The following RPS6KA1 variants were observed in gnomAD, a reference collection of about 807,000 sequenced individuals.
The protein encoded by RPS6KA1 is ribosomal protein S6 kinase A1.
A neutral mutation model predicts 91.3 loss-of-function variants in RPS6KA1; 48 were observed. The ratio of observed to expected loss-of-function variants is 0.53; its 90% CI spans 0.42 to 0.67. RPS6KA1 has a LOEUF of 0.67. Ranked by LOEUF, RPS6KA1 falls within the 30% of genes least tolerant of loss-of-function variation. The pLI, the probability that RPS6KA1 is intolerant of heterozygous loss-of-function variation, is 0.00. For synonymous variants in RPS6KA1, 359 were observed against 384.7 expected (o/e 0.93, Z 0.78); for missense variants, 719 against 960.5 (o/e 0.75, Z 3.32).
At chr1:26,563,609 G>C (rs2076173577) in intron 17 of RPS6KA1, among the ~76,000 whole-genome samples, 1 of 152,148 alleles carries the variant, frequency 6.6e-6, no homozygotes, top group African/African-American at 2.4e-5. Context: ...TGTTAAATGT[G>C]TACACCCATG....
chr1:26,572,196 G>A lies in RPS6KA1; in HGVS notation c.1850G>A (p.Gly617Asp). The A allele has an allele frequency of 6.2e-7, 1 of 1,613,962 alleles. No homozygotes were observed. Among genetic ancestry groups the A allele is most frequent in the East Asian group, 2.2e-5 (1 of 44,860 alleles). ...TGCAGATATACTCCATTTGCCAACG[G>A]TCCCAGTGACACACCAGAGGAAATC... ...MLAGYTPFAN[G>D]PSDTPEEILT... The change falls in exon 20 of 22, where the codon GGT becomes GAT. Residue 617 changes from glycine to aspartate, a missense_variant. Coordinates refer to ENST00000374168, the MANE Select transcript of RPS6KA1 (RefSeq NM_002953.4).
At position 26,555,369 on chromosome 1, in the gene RPS6KA1, C is replaced by T; in HGVS notation, c.827+148C>T. ...GTTAAACATTATACCTTCCAGAGCCCCTCTTTCATCCCTGGGGGCCTGTGG... is the reference window on the plus strand; with the variant it reads ...GTTAAACATTATACCTTCCAGAGCCTCTCTTTCATCCCTGGGGGCCTGTGG... On this transcript the variant is annotated intron_variant, in intron 10 of 21. Coordinates refer to ENST00000374168, the MANE Select transcript of RPS6KA1 (RefSeq NM_002953.4). This position sits in a 1 kb window ranked among gnomAD's most constrained non-coding sequence, Gnocchi z 4.3. 3 of 1,006,122 alleles carry T rather than the reference C, an allele frequency of 3.0e-6. No homozygotes were observed. The South Asian group carries it at 4.6e-5, about 15-fold the overall frequency. The allele number at this position is 1,006,122 out of a possible 1,614,324, so 62.3% of individuals were successfully genotyped here.
Position 26,546,905 on chromosome 1 carries a change from C to G in RPS6KA1, c.147C>G (p.His49Gln). Residue 49 changes from histidine (H) to glutamine (Q), a missense_variant, in exon 3 of 22, where the codon CAC (histidine) becomes CAG (glutamine). His to Gln is a conservative substitution (Grantham distance 24). Transcript: ENST00000374168. ...GVLKEISITHHVKAGSEKADP... is the reference protein window; with the variant it reads ...GVLKEISITHQVKAGSEKADP... ...TCAAGGAGATCTCCATCACGCACCA[C>G]GTCAAGGCTGGCTCTGAGAAGGCTG... The G allele has an allele frequency of 6.2e-7, 1 of 1,614,156 alleles. No individual in the cohort carries two copies. Among genetic ancestry groups the G allele is most frequent in the Non-Finnish European group, 8.5e-7 (1 of 1,180,018 alleles).
In RPS6KA1 at chr1:26,547,134, G is replaced by A; in HGVS notation, c.226-55G>A. On this transcript the variant is annotated intron_variant, in intron 3 of 21. Coordinates refer to ENST00000374168, the MANE Select transcript of RPS6KA1 (RefSeq NM_002953.4). This position sits in a 1 kb window ranked among gnomAD's most constrained non-coding sequence, Gnocchi z 4.1. The stretch of plus-strand genomic sequence containing the variant: ...TGGGGCTCAGAGAAGATAGAGGTCA[G>A]CCTGGACTCAGACCTCTCCCATCTT... 1 of 1,589,618 alleles carries A rather than the reference G, an allele frequency of 6.3e-7. No homozygotes were observed. Among genetic ancestry groups the A allele is most frequent in the Non-Finnish European group, 8.6e-7 (1 of 1,158,324 alleles).
chr1:26,544,991 G>A (rs1038835306), intron 2 of RPS6KA1, among the ~76,000 whole-genome samples: 10 of 151,858 alleles, frequency 6.6e-5, no homozygotes, highest in African/African-American at 2.4e-4. Flanking sequence ...GTCCACCTCT[G>A]TCTGTTAGAT....
intron 2 of RPS6KA1, among the ~76,000 whole-genome samples, chr1:26,546,553 C>T (rs986166536): frequency 1.3e-5 from 2 of 152,194 alleles, no homozygotes; most frequent in Admixed American, 6.5e-5. Flanking sequence ...GCCCCACGGG[C>T]GGACCTGGGG....
At chr1:26,543,951 G>T in intron 2 of RPS6KA1, 1 of 404,976 alleles carries the variant, frequency 2.5e-6, no homozygotes, top group Non-Finnish European at 5.1e-6. Context: ...TCAGGTCTTG[G>T]CATAGGAGGA....
chr1:26,537,019 T>C, intron 2 of RPS6KA1, 50 bp downstream of exon 2: 1 of 1,601,360 alleles, frequency 6.2e-7, no homozygotes, highest in South Asian at 1.1e-5. Context: ...GGGATCCTGT[T>C]TGCATGGCTT....
Position 26,561,405 on chromosome 1 carries a change from C to A in RPS6KA1, c.1432-100C>A. The A allele has an allele frequency of 1.3e-6, 2 of 1,491,452 alleles. No individual in the cohort carries two copies. The highest frequency in any genetic ancestry group is 1.9e-6 in the Non-Finnish European group (2 of 1,078,302). The allele number at this position is 1,491,452 out of a possible 1,614,324, so 92.4% of individuals were successfully genotyped here. A position where few individuals can be genotyped will look rare whatever the true frequency, so the allele number is the denominator to read the frequency against. ...CACTGAAGAGCAAGCAGAACACCTGCCCAAGGCTCATGTCATTCTTCCCTG... is the reference window on the plus strand; with the variant it reads ...CACTGAAGAGCAAGCAGAACACCTGACCAAGGCTCATGTCATTCTTCCCTG... On this transcript the variant is annotated intron_variant, in intron 16 of 21. Transcript: ENST00000374168. This position sits in a 1 kb window ranked among gnomAD's most constrained non-coding sequence, Gnocchi z 5.7.
Position 26,561,580 on chromosome 1 carries a change from C to G in RPS6KA1, c.1507C>G (p.Arg503Gly). Residue 503 changes from arginine to glycine, a missense_variant, in exon 17 of 22, where the codon CGG (arginine) becomes GGG (glycine). Coordinates refer to ENST00000374168, the MANE Select transcript of RPS6KA1 (RefSeq NM_002953.4). The surrounding 1 kb of genome is among the most constrained non-coding windows in gnomAD (Gnocchi z 5.7). ...RGGELLDKIL[R>G]QKFFSEREAS... ...TGGGGAGCTGCTGGACAAGATCCTG[C>G]GGCAGAAGTTCTTCTCAGAGCGGGA... 1 of 1,614,100 alleles carries G rather than the reference C, an allele frequency of 6.2e-7. No individual in the cohort carries two copies. The highest frequency in any genetic ancestry group is 1.1e-5 in the South Asian group (1 of 91,076).
At chr1:26,559,010 G>A in intron 14 of RPS6KA1, 73 bp downstream of exon 14, 1 of 1,547,700 alleles carries the variant, frequency 6.5e-7, no homozygotes, top group Non-Finnish European at 8.8e-7. Flanking sequence ...CTCTGAGTTG[G>A]ACAGAACCAG....
rs752215544 is a variant in RPS6KA1 at position 26,574,105 on chromosome 1, A to G, written c.2112A>G (p.Ala704=). The change falls in exon 22 of 22, where the codon GCA becomes GCG. Residue 704 remains alanine, a synonymous_variant. Transcript: ENST00000374168. This position sits in a 1 kb window ranked among gnomAD's most constrained non-coding sequence, Gnocchi z 4.3. ...VKGAMAATYS[A]LNSSKPTPQL... The stretch of plus-strand genomic sequence containing the variant: ...GAGCCATGGCTGCCACGTACTCCGC[A>G]CTCAACAGCTCCAAGCCCACCCCCC... The G allele has an allele frequency of 2.5e-6, 4 of 1,613,756 alleles. No homozygotes were observed. Among genetic ancestry groups the G allele is most frequent in the Non-Finnish European group, 1.7e-6 (2 of 1,179,990 alleles).
chr1:26,569,669 A>G (rs2076233698), intron 17 of RPS6KA1, among the ~76,000 whole-genome samples: 1 of 152,198 alleles, frequency 6.6e-6, no homozygotes, highest in South Asian at 2.1e-4. Context: ...AACTCTACTA[A>G]TCTAACCTGC....
At chr1:26,552,707 G>T (rs944064816) in intron 6 of RPS6KA1, 39 of 215,404 alleles carry the variant, frequency 1.8e-4, no homozygotes, top group African/African-American at 8.8e-4. Context: ...GGCTGGTCTC[G>T]AACTCCTGAC....
chr1:26,535,856 A>G (rs1341431630), intron 1 of RPS6KA1, among the ~76,000 whole-genome samples: 1 of 152,048 alleles, frequency 6.6e-6, no homozygotes, highest in Non-Finnish European at 1.5e-5. Flanking sequence ...TGAGGATTAA[A>G]TGGTGCCACA....
intron 2 of RPS6KA1, among the ~76,000 whole-genome samples, chr1:26,546,533 G>T (rs191143659): frequency 6.6e-6 from 1 of 152,192 alleles, no homozygotes; most frequent in East Asian, 1.9e-4. Flanking sequence ...AAAACAACAG[G>T]GGGAGGGAAG....
Position 26,564,688 on chromosome 1 carries a change from G to A in RPS6KA1, c.1590+3025G>A, listed in dbSNP as rs757879902. On this transcript the variant is annotated intron_variant, in intron 17 of 21. Transcript: ENST00000374168. ...ATTTCATTAGGGTTGTGAAAGTGGC[G>A]ATGCCTGATTATGTCTAATTTTTTA... Among the ~76,000 whole-genome samples the A allele has an allele frequency of 8.7e-4, 133 of 152,236 alleles. 1 individual carries two copies. The highest frequency in any genetic ancestry group is 1.1e-3 in the Admixed American group (17 of 15,282).
intron 1 of RPS6KA1, among the ~76,000 whole-genome samples, chr1:26,535,633 T>A (rs1279087996): frequency 6.6e-6 from 1 of 152,070 alleles, no homozygotes; most frequent in Non-Finnish European, 1.5e-5. Context: ...GAGTGAAGTC[T>A]GGGGGCTGGA....
chr1:26,536,152 TAAAAAAA>T (rs35238041), intron 1 of RPS6KA1, among the ~76,000 whole-genome samples: 5 of 74,418 alleles, frequency 6.7e-5, no homozygotes, highest in Non-Finnish European at 1.0e-4. Context: ...AAACTCTGTC[TAAAAAAA>T]AAAAAAAAAA....
Sources: gnomAD v4.1 joint callset for allele counts (sites outside exome capture counted in the v4.1 genomes callset) on GRCh38, gnomAD v4.1.1 for gene constraint, Gnocchi (gnomAD v3.1) non-coding constraint, MANE v1.5 for transcripts, NCBI Gene and HGNC (gene_info 2026-07-23, HGNC 2026-07-21) for gene names.